Variants in KDM5C observed in about 807,000 individuals in gnomAD.
KDM5C encodes lysine demethylase 5C.
A neutral mutation model predicts 110.6 loss-of-function variants in KDM5C; 16 were observed. That is an observed-to-expected ratio of 0.14 (90% CI 0.10 to 0.22). The LOEUF (loss-of-function observed/expected upper bound fraction) is 0.22. KDM5C is among the 10% of genes least tolerant of loss of function. The pLI is 1.00. For synonymous variants in KDM5C, 511 were observed against 520.4 expected, an observed-to-expected ratio of 0.98 and a Z score of 0.24; for missense variants, 681 against 1,300.9, an observed-to-expected ratio of 0.52 and a Z score of 7.33.
intron 12 of KDM5C, chrX:53,202,490 T>C (rs1556842691): frequency 8.0e-6 from 1 of 124,692 alleles, no homozygotes; most frequent in African/African-American, 3.2e-5. Flanking sequence ...ATTTGCTCAG[T>C]TTTTTATGCA....
In KDM5C at chrX:53,196,010, G is replaced by A. The variant is rs370013095; in HGVS notation, c.3026C>T (p.Ala1009Val). 2.5e-6 allele frequency: 3 copies of A among 1,210,692 alleles called. No homozygotes were observed. The highest frequency in any genetic ancestry group is 1.7e-5 in the African/African-American group (1 of 57,526). Residue 1009 changes from alanine to valine, a missense_variant, in exon 20 of 26, where the codon GCG becomes GTG. Coordinates refer to ENST00000375401, the MANE Select transcript of KDM5C (RefSeq NM_004187.5). Reference sequence around the variant, plus strand: ...GGGCAGGTGAACAGGGATGTTTTCCGCTTCACGGATTATGGCCTCAAGTGT... The same window carrying A: ...GGGCAGGTGAACAGGGATGTTTTCCACTTCACGGATTATGGCCTCAAGTGT... Reference protein sequence around the residue: ...PATLEAIIREAENIPVHLPNI... With the variant: ...PATLEAIIREVENIPVHLPNI...
At chrX:53,214,462 T>C (rs113083671) in intron 8 of KDM5C, 75 of 425,743 alleles carry the variant, frequency 1.8e-4, no homozygotes, top group African/African-American at 1.0e-3. Context: ...TCACCACATA[T>C]AGTCTAATTA....
Position 53,224,969 on chromosome X carries a change from C to G in KDM5C, c.-80G>C. The G allele has an allele frequency of 2.8e-5, 30 of 1,074,867 alleles. No homozygotes were observed. The highest frequency in any genetic ancestry group is 3.7e-5 in the Non-Finnish European group (30 of 813,909). 88.6% of individuals were successfully genotyped at this position (1,074,867 alleles called of 1,213,427 possible). A position where few individuals can be genotyped will look rare whatever the true frequency, so the allele number is the denominator to read the frequency against. On this transcript the variant is annotated 5_prime_UTR_variant, in exon 1 of 26. Transcript: ENST00000375401. ...TCATGGCGCCGCCGCTGTTTGAAGC[C>G]GAGGCAATGCTCGGAGGCTAGGCCC...
chrX:53,185,717 T>C (rs1475782226), intron 25 of KDM5C, among the ~76,000 whole-genome samples: 1 of 111,765 alleles, frequency 8.9e-6, no homozygotes, highest in East Asian at 2.8e-4. Context: ...GAGGTTTGTA[T>C]AACAGTGGAT....
At chrX:53,195,520 TAAAA>T (rs782590039) in intron 20 of KDM5C, 110 bp from the exon 21 acceptor site, 4 of 761,275 alleles carry the variant, frequency 5.3e-6, no homozygotes, top group Non-Finnish European at 5.9e-6. Context: ...CTTGAGGGAT[TAAAA>T]AAATAGGTGT....
chrX:53,199,375 G>A (rs782796232), intron 14 of KDM5C, among the ~76,000 whole-genome samples: 3 of 111,603 alleles, frequency 2.7e-5, no homozygotes, highest in Non-Finnish European at 5.6e-5. Context: ...TGTGCGCTGA[G>A]TCAGATAATT....
At chrX:53,223,469 C>T (rs1427519408) in intron 1 of KDM5C, among the ~76,000 whole-genome samples, 1 of 111,422 alleles carries the variant, frequency 9.0e-6, no homozygotes, top group Non-Finnish European at 1.9e-5. Context: ...CAGAAAGCAC[C>T]AAGTTGGATA....
chrX:53,195,057 T>C lies in KDM5C; in HGVS notation c.3312A>G (p.Pro1104=), dbSNP rs1273774205. The change falls in exon 22 of 26, where the codon CCA becomes CCG. Residue 1104 remains proline, a synonymous_variant. Transcript: ENST00000375401. ...TGCTGTCTGAGCCGGCATCTGCACA[T>C]GGGCAGAGAACCTGGGGCAGGCAGA... ...SCYTLLEVLC[P]CADAGSDSTK... The C allele has an allele frequency of 8.3e-7, 1 of 1,209,429 alleles. No individual in the cohort carries two copies. The highest frequency in any genetic ancestry group is 1.8e-5 in the South Asian group (1 of 56,352).
At position 53,211,889 on chromosome X, in the gene KDM5C, T is replaced by C. The variant is rs782803513; in HGVS notation, c.1140A>G (p.Pro380=). 5.0e-6 allele frequency: 6 copies of C among 1,209,272 alleles called. No individual in the cohort carries two copies. In the Middle Eastern group the frequency reaches 7.1e-4, roughly 142 times the overall value. ...KCVMAECKRP[P]EAFGFEQATR... is the part of the protein sequence containing the mutation. ...TAGCCTGCTCAAAGCCAAAGGCTTC[T>C]GGGGGCCGCTTACACTCCTGAAACC... The change falls in exon 9 of 26, where the codon CCA becomes CCG. Residue 380 remains proline (P), a synonymous_variant. Transcript: ENST00000375401.
Position 53,194,503 on chromosome X carries a change from G to C in KDM5C, c.3674C>G (p.Pro1225Arg). Residue 1225 changes from proline to arginine, a missense_variant, in exon 23 of 26, where the codon CCC (proline) becomes CGC (arginine). Physicochemically the swap from Pro to Arg is moderately radical, Grantham distance 103. Coordinates refer to ENST00000375401, the MANE Select transcript of KDM5C (RefSeq NM_004187.5). Reference sequence around the variant, plus strand: ...CAGCAGTGGGGATGAGGTGGGATTGGGCCTCGGAGAGCTGAGGAGGCGAGG... The same window carrying C: ...CAGCAGTGGGGATGAGGTGGGATTGCGCCTCGGAGAGCTGAGGAGGCGAGG... The part of the protein sequence containing the change: ...SVPRLLSSPR[P>R]NPTSSPLLAW... The C allele has an allele frequency of 5.8e-6, 7 of 1,210,948 alleles. No homozygotes were observed. The highest frequency in any genetic ancestry group is 7.8e-6 in the Non-Finnish European group (7 of 894,965).
intron 24 of KDM5C, 63 bp from the exon 25 acceptor site, chrX:53,193,699 A>T: frequency 8.5e-7 from 1 of 1,181,728 alleles, no homozygotes. Context: ...CACCACTACA[A>T]CAGAGCTGAG....
chrX:53,208,179 C>T (rs1262711319), intron 12 of KDM5C, among the ~76,000 whole-genome samples: 1 of 107,037 alleles, frequency 9.3e-6, no homozygotes, highest in Non-Finnish European at 1.9e-5. Context: ...ACTGCCAAGT[C>T]CAAAGGGCCT....
At chrX:53,213,327 T>C (rs905291667) in intron 8 of KDM5C, among the ~76,000 whole-genome samples, 1 of 112,002 alleles carries the variant, frequency 8.9e-6, no homozygotes, top group African/African-American at 3.3e-5. Flanking sequence ...CCAAGGCCAA[T>C]ATGCACTGCC....
intron 25 of KDM5C, among the ~76,000 whole-genome samples, chrX:53,182,057 G>T (rs1271728350): frequency 9.0e-6 from 1 of 110,946 alleles, no homozygotes; most frequent in African/African-American, 3.3e-5. Context: ...CAAAGTGCTG[G>T]GATTACAGGC....
chrX:53,199,186 T>C (rs782338808), intron 14 of KDM5C, 28 bp from the exon 15 acceptor site: 2 of 1,199,816 alleles, frequency 1.7e-6, no homozygotes, highest in Admixed American at 4.4e-5. Context: ...ATGCGTTATA[T>C]ATAACCAGAA....
chrX:53,180,770 A>G (rs1334272025), intron 25 of KDM5C, among the ~76,000 whole-genome samples: 1 of 73,180 alleles, frequency 1.4e-5, no homozygotes, highest in Non-Finnish European at 2.3e-5. Flanking sequence ...ACTGTCGCCC[A>G]GGCTGGAGTG....
At chrX:53,187,171 T>C (rs1256340077), downstream of KDM5C, among the ~76,000 whole-genome samples, 1 of 110,931 alleles carries the variant, frequency 9.0e-6, no homozygotes, top group Non-Finnish European at 1.9e-5. Flanking sequence ...AATCTGGCTA[T>C]AAGCCACTGC....
chrX:53,196,390 T>A (rs1434187145), intron 19 of KDM5C, among the ~76,000 whole-genome samples: 1 of 112,845 alleles, frequency 8.9e-6, no homozygotes, highest in Non-Finnish European at 1.9e-5. Flanking sequence ...TCTACCAACA[T>A]CTGCCCATCT....
chrX:53,210,396 T>C lies in KDM5C; in HGVS notation c.1746+18A>G, dbSNP rs1005119461. On this transcript the variant is annotated intron_variant, in intron 12 of 25. Coordinates refer to ENST00000375401, the MANE Select transcript of KDM5C (RefSeq NM_004187.5). ...CTAAATCACTCCTGCCGCTTGTCCC[T>C]GTTGCCTGGGTACTCACTGGCACAC... The C allele has an allele frequency of 2.5e-6, 3 of 1,209,580 alleles. No homozygotes were observed. In the African/African-American group the frequency reaches 5.2e-5, roughly 21 times the overall value.
Sources: allele counts gnomAD v4.1 joint callset (sites outside exome capture counted in the v4.1 genomes callset), GRCh38; gene constraint gnomAD v4.1.1; transcripts MANE v1.5; gene names NCBI Gene and HGNC (gene_info 2026-07-23, HGNC 2026-07-21).